PRKCB: variants seen among roughly 807,000 people sequenced by gnomAD.
PRKCB encodes protein kinase C beta type.
Under a neutral mutation model 81.5 loss-of-function variants are expected in PRKCB, and 13 were observed. That is an observed-to-expected ratio of 0.16 (90% CI 0.10 to 0.25). PRKCB has a LOEUF of 0.25. Among genes scored for constraint, PRKCB ranks in the 10% least tolerant of loss-of-function variants. The pLI, the probability that PRKCB is intolerant of heterozygous loss-of-function variation, is 1.00. For missense variants in PRKCB, 509 were observed against 875.7 expected, an observed-to-expected ratio of 0.58 and a Z score of 5.29; for synonymous variants, 335 against 321.4, an observed-to-expected ratio of 1.04 and a Z score of -0.45.
chr16:24,045,171 TCAA>T (rs1202898415), intron 5 of PRKCB, among the ~76,000 whole-genome samples: 3 of 150,800 alleles, frequency 2.0e-5, no homozygotes, highest in Non-Finnish European at 4.4e-5. Flanking sequence ...ATAAATTGTC[TCAA>T]CAACAATAGC....
chr16:24,121,286 A>C (rs1248971325), intron 8 of PRKCB, among the ~76,000 whole-genome samples: 2 of 152,326 alleles, frequency 1.3e-5, no homozygotes, highest in East Asian at 3.9e-4. Flanking sequence ...ACGTTTTTTC[A>C]GAGTATCTGT....
At chr16:24,154,882 A>G in intron 10 of PRKCB, 25 bp downstream of exon 10, 2 of 1,606,786 alleles carry the variant, frequency 1.2e-6, no homozygotes, top group Middle Eastern at 1.7e-4. Flanking sequence ...GGCCCTGGGT[A>G]TTCCACCTCC....
chr16:23,885,074 G>A (rs60718332), intron 2 of PRKCB, among the ~76,000 whole-genome samples: 9,728 of 152,080 alleles, frequency 0.064, 1,013 homozygotes, highest in African/African-American at 0.22. Flanking sequence ...AGATTATAAG[G>A]AATTAACAAT....
chr16:24,132,845 A>G (rs966565483), intron 9 of PRKCB, among the ~76,000 whole-genome samples: 1 of 150,238 alleles, frequency 6.7e-6, no homozygotes, highest in Non-Finnish European at 1.5e-5. Flanking sequence ...CAGTGGTGCA[A>G]TCATAGCTCA....
intron 2 of PRKCB, among the ~76,000 whole-genome samples, chr16:23,951,378 A>AT (rs1360527483): frequency 2.0e-5 from 3 of 151,934 alleles, no homozygotes; most frequent in South Asian, 2.1e-4. Flanking sequence ...GGGCACTTGT[A>AT]TTTTTTTCTC....
intron 10 of PRKCB, among the ~76,000 whole-genome samples, chr16:24,166,175 C>G (rs1417496372): frequency 1.3e-5 from 2 of 151,968 alleles, no homozygotes; most frequent in Non-Finnish European, 2.9e-5. Flanking sequence ...AGCCACTGCA[C>G]CCGGTCCAGA....
rs147005667 is a variant in PRKCB at position 24,088,603 on chromosome 16, C to A, written c.530-4188C>A. Among the ~76,000 whole-genome samples, 620 of 151,784 alleles carry A rather than the reference C, an allele frequency of 4.1e-3. 7 individuals carry two copies. Among genetic ancestry groups the A allele is most frequent in the Non-Finnish European group, 4.2e-3 (285 of 67,948 alleles). ...AGTTAGCTGGATGTAGTGGCACATG[C>A]CTGTAGTCCCAGCTATTCAGGGTGC... On this transcript the variant is annotated intron_variant, in intron 5 of 16. Transcript: ENST00000643927.
intron 11 of PRKCB, 53 bp downstream of exon 11, chr16:24,172,414 T>C: frequency 6.6e-7 from 1 of 1,516,276 alleles, no homozygotes; most frequent in Admixed American, 1.8e-5. Flanking sequence ...GGTAGGTTAG[T>C]GGTTCCTTTG....
intron 12 of PRKCB, among the ~76,000 whole-genome samples, chr16:24,179,021 G>C (rs1967578566): frequency 6.6e-6 from 1 of 152,150 alleles, no homozygotes; most frequent in Non-Finnish European, 1.5e-5. Context: ...CTCTATATTA[G>C]ATTGCTTCTT....
At chr16:24,095,751 G>A (rs987126762) in intron 7 of PRKCB, among the ~76,000 whole-genome samples, 2 of 152,018 alleles carry the variant, frequency 1.3e-5, no homozygotes, top group African/African-American at 4.8e-5. Flanking sequence ...CGGTCTGGTC[G>A]GGGTGGAGCC....
chr16:24,032,014 T>C, intron 3 of PRKCB, 122 bp from the exon 4 acceptor site: 1 of 649,212 alleles, frequency 1.5e-6, no homozygotes, highest in South Asian at 1.9e-5. Context: ...TCCCAACAGG[T>C]ACAATGACCT....
intron 5 of PRKCB, among the ~76,000 whole-genome samples, chr16:24,075,857 C>T (rs1409493720): frequency 6.6e-6 from 1 of 152,200 alleles, no homozygotes. Flanking sequence ...TCAGAGTCAT[C>T]TGGAAAGTGT....
intron 2 of PRKCB, among the ~76,000 whole-genome samples, chr16:23,973,682 AT>A (rs922539841): frequency 1.7e-4 from 26 of 150,322 alleles, no homozygotes; most frequent in Middle Eastern, 3.4e-3. Flanking sequence ...AAAATAATAT[AT>A]TTTTTTTCTT....
chr16:24,127,168 A>G (rs974630425), intron 9 of PRKCB, among the ~76,000 whole-genome samples: 3 of 151,194 alleles, frequency 2.0e-5, no homozygotes, highest in East Asian at 2.0e-4. Context: ...CACCACGCCC[A>G]GCTAATTTTC....
intron 2 of PRKCB, among the ~76,000 whole-genome samples, chr16:23,978,761 T>C (rs1250704978): frequency 7.2e-5 from 11 of 152,224 alleles, no homozygotes; most frequent in African/African-American, 2.7e-4. Flanking sequence ...AGACTTTCTA[T>C]GGTGCTGGAA....
Position 24,143,956 on chromosome 16 carries a change from A to G in PRKCB, c.1066-10728A>G, listed in dbSNP as rs137940021. On this transcript the variant is annotated intron_variant, in intron 9 of 16. Coordinates refer to ENST00000643927, the MANE Select transcript of PRKCB (RefSeq NM_002738.7). ...AGGGATGTTATTAAGAACACCATCCACAGCACAGTGTGTTCAAACATCCAT... is the reference window on the plus strand; with the variant it reads ...AGGGATGTTATTAAGAACACCATCCGCAGCACAGTGTGTTCAAACATCCAT... 1.3e-3 allele frequency among the ~76,000 whole-genome samples: 200 copies of G among 152,328 alleles called. 2 individuals are homozygous for G. The East Asian group carries it at 0.02, about 15-fold the overall frequency.
chr16:24,160,218 A>G (rs79715299), intron 10 of PRKCB, among the ~76,000 whole-genome samples: 122 of 130,134 alleles, frequency 9.4e-4, no homozygotes, highest in African/African-American at 3.3e-3. Context: ...TTTTAATACT[A>G]TGGAAGTTAC....
intron 2 of PRKCB, among the ~76,000 whole-genome samples, chr16:23,895,418 A>G (rs190711579): frequency 2.6e-5 from 4 of 151,930 alleles, no homozygotes; most frequent in Admixed American, 1.3e-4. Flanking sequence ...TTATTTCCTC[A>G]GTTTTATCAC....
rs530701855 is a variant in PRKCB, at chr16:24,068,477, GA to G, written c.530-24299del. Reference sequence around the variant, plus strand: ...TTGAGAATTGATTTATGGCCCAAAGGAAAAAAAAAAAAAAACCACACACAGA... The same window carrying G: ...TTGAGAATTGATTTATGGCCCAAAGGAAAAAAAAAAAAAACCACACACAGA... On this transcript the variant is annotated intron_variant, in intron 5 of 16. Transcript: ENST00000643927. Among the ~76,000 whole-genome samples the G allele has an allele frequency of 4.7e-3, 543 of 116,142 alleles. 6 individuals carry two copies. The East Asian group carries it at 0.056, about 12-fold the overall frequency. 76.2% of individuals were successfully genotyped at this position (116,142 alleles called of 152,430 possible).
Sources: gnomAD v4.1 joint callset for allele counts (sites outside exome capture counted in the v4.1 genomes callset) on GRCh38, gnomAD v4.1.1 for gene constraint, MANE v1.5 for transcripts, NCBI Gene and HGNC (gene_info 2026-07-23, HGNC 2026-07-21) for gene names.